The following UMAD1 variants were observed in gnomAD, a reference collection of about 807,000 sequenced individuals.
UMAD1 encodes UBAP1-MVB12-associated (UMA) domain containing 1.
Under a neutral mutation model 6.1 loss-of-function variants are expected in UMAD1, and 8 were observed. That is an observed-to-expected ratio of 1.30 (90% CI 0.76 to 2.35). The LOEUF is 2.35. Ranked by LOEUF, UMAD1 falls within the 30% of genes most tolerant of loss-of-function variation. UMAD1 has a pLI of 0.00. For synonymous variants in UMAD1, 56 were observed against 31.4 expected (o/e 1.78, Z -2.61); for missense variants, 130 against 78.4 (o/e 1.66, Z -2.49).
rs547351938 is a variant in UMAD1 at position 7,830,293 on chromosome 7, C to G, written c.156+28550C>G. ...CTTGCTAAAGATTGAGTGTGGAATA[C>G]CTTTTTTGTAGCAGCTGCTCTGGAG... On this transcript the variant is annotated intron_variant, in intron 3 of 3. Transcript: ENST00000682710. This position sits in a 1 kb window ranked among gnomAD's most constrained non-coding sequence, Gnocchi z 5.3. 1.1e-3 allele frequency among the ~76,000 whole-genome samples: 172 copies of G among 152,164 alleles called. 1 individual carries two copies. The highest frequency in any genetic ancestry group is 1.6e-3 in the Non-Finnish European group (111 of 67,998).
chr7:7,784,753 CTTCT>C (rs1782426283), intron 2 of UMAD1, among the ~76,000 whole-genome samples: 1 of 137,518 alleles, frequency 7.3e-6, no homozygotes, highest in Non-Finnish European at 1.5e-5. Context: ...TCTGCCCTTC[CTTCT>C]TTTTTTTTTT....
Position 7,686,622 on chromosome 7 carries a change from T to C in UMAD1, c.82+13169T>C, listed in dbSNP as rs534350418. 2.0e-5 allele frequency among the ~76,000 whole-genome samples: 3 copies of C among 152,282 alleles called. No homozygotes were observed. In the East Asian group the frequency reaches 5.8e-4, roughly 29 times the overall value. ...ACCACAACAACAAATTAATAAACTTTCCAGAACCATCATGCTGCAAAGTTA... is the reference window on the plus strand; with the variant it reads ...ACCACAACAACAAATTAATAAACTTCCCAGAACCATCATGCTGCAAAGTTA... On this transcript the variant is annotated intron_variant, in intron 2 of 3. Coordinates refer to ENST00000682710, the MANE Select transcript of UMAD1 (RefSeq NM_001302348.2).
chr7:7,662,087 C>G (rs961966177), intron 1 of UMAD1, among the ~76,000 whole-genome samples: 1 of 152,190 alleles, frequency 6.6e-6, no homozygotes, highest in Non-Finnish European at 1.5e-5. Flanking sequence ...TTGGATCTTT[C>G]CCGGCATCTT....
At chr7:7,817,599 G>A (rs374645895) in intron 3 of UMAD1, among the ~76,000 whole-genome samples, 1 of 152,148 alleles carries the variant, frequency 6.6e-6, no homozygotes, top group Non-Finnish European at 1.5e-5. Context: ...GCTGAATGAT[G>A]ATTCTAATTC....
At chr7:7,874,292 G>T (rs1208792834) in intron 3 of UMAD1, among the ~76,000 whole-genome samples, 1 of 152,120 alleles carries the variant, frequency 6.6e-6, no homozygotes, top group African/African-American at 2.4e-5. Flanking sequence ...GTCATTCCCA[G>T]CTATCTTCCC....
chr7:7,663,830 G>A (rs1193352724), intron 1 of UMAD1, among the ~76,000 whole-genome samples: 1 of 152,194 alleles, frequency 6.6e-6, no homozygotes, highest in Non-Finnish European at 1.5e-5. Flanking sequence ...ATGACTATCA[G>A]TTTTATACAA....
chr7:7,828,739 C>T (rs1783399094), intron 3 of UMAD1, among the ~76,000 whole-genome samples: 1 of 80,094 alleles, frequency 1.2e-5, no homozygotes, highest in African/African-American at 4.2e-5. Flanking sequence ...CTCCAGCTTC[C>T]CAGTGCTCCT....
chr7:7,705,804 G>A (rs888438431), intron 2 of UMAD1, among the ~76,000 whole-genome samples: 2 of 152,072 alleles, frequency 1.3e-5, no homozygotes, highest in African/African-American at 4.8e-5. Context: ...TGGTGATAGC[G>A]ATGTGTCAGT....
At chr7:7,743,737 T>C in intron 2 of UMAD1, among the ~76,000 whole-genome samples, 1 of 151,344 alleles carries the variant, frequency 6.6e-6, no homozygotes, top group Non-Finnish European at 1.5e-5. Flanking sequence ...TATTTTCCAT[T>C]CTGCACTTTT....
At chr7:7,729,564 G>A (rs1341896525) in intron 2 of UMAD1, among the ~76,000 whole-genome samples, 1 of 152,134 alleles carries the variant, frequency 6.6e-6, no homozygotes. Flanking sequence ...TTCTGAGCTT[G>A]CATTTGCCCA....
chr7:7,700,402 G>A (rs1034958914), intron 2 of UMAD1, among the ~76,000 whole-genome samples: 1 of 152,070 alleles, frequency 6.6e-6, no homozygotes, highest in African/African-American at 2.4e-5. Flanking sequence ...TCAGTGTAGA[G>A]AAAACACCTG....
At chr7:7,756,195 G>T (rs190645010) in intron 2 of UMAD1, among the ~76,000 whole-genome samples, 1 of 152,260 alleles carries the variant, frequency 6.6e-6, no homozygotes, top group East Asian at 1.9e-4. Context: ...TTCTGTGGAA[G>T]ATCAGGCAAG....
intron 2 of UMAD1, among the ~76,000 whole-genome samples, chr7:7,759,628 C>T (rs1025533348): frequency 5.3e-5 from 8 of 151,914 alleles, no homozygotes; most frequent in African/African-American, 1.7e-4. Flanking sequence ...GAACCTGAAA[C>T]GAGATTAAAA....
At chr7:7,800,529 T>C (rs919508958) in intron 2 of UMAD1, among the ~76,000 whole-genome samples, 1 of 134,348 alleles carries the variant, frequency 7.4e-6, no homozygotes, top group Non-Finnish European at 1.6e-5. Context: ...GAGATTTTGG[T>C]GCACCCATCA....
At chr7:7,810,974 A>G (rs146195722) in intron 3 of UMAD1, among the ~76,000 whole-genome samples, 2,210 of 152,208 alleles carry the variant, frequency 0.015, 29 homozygotes, top group Admixed American at 0.05. Context: ...GAGTGAGGTG[A>G]TTTGGGAGGT....
intron 1 of UMAD1, among the ~76,000 whole-genome samples, chr7:7,668,281 T>C (rs748627475): frequency 1.4e-4 from 21 of 152,172 alleles, no homozygotes; most frequent in South Asian, 8.3e-4. Context: ...GTAAGGATTA[T>C]AGGAGATAGA....
At chr7:7,774,562 T>G (rs1782163626) in intron 2 of UMAD1, among the ~76,000 whole-genome samples, 1 of 152,242 alleles carries the variant, frequency 6.6e-6, no homozygotes, top group African/African-American at 2.4e-5. Flanking sequence ...GTTATGGAAC[T>G]GTTTGACCCA....
At chr7:7,673,498 C>T (rs1157587260) in intron 2 of UMAD1, 45 bp downstream of exon 2, 2 of 683,418 alleles carry the variant, frequency 2.9e-6, no homozygotes, top group Non-Finnish European at 5.2e-6. Context: ...ATTATGTTCT[C>T]TTTAAAAAAT....
intron 2 of UMAD1, chr7:7,738,432 T>C (rs1041828616): frequency 2.6e-5 from 4 of 152,234 alleles, no homozygotes; most frequent in African/African-American, 9.6e-5. Flanking sequence ...GACCTGGTGA[T>C]GTTTAATGGA....
Sources: allele counts gnomAD v4.1 joint callset (sites outside exome capture counted in the v4.1 genomes callset), GRCh38; gene constraint gnomAD v4.1.1; non-coding constraint Gnocchi (gnomAD v3.1); transcripts MANE v1.5; gene names NCBI Gene and HGNC (gene_info 2026-07-23, HGNC 2026-07-21).